Variants in SLC9A9 observed in about 807,000 individuals in gnomAD.
The protein encoded by SLC9A9 is sodium/hydrogen exchanger 9.
Under a neutral mutation model 77.8 loss-of-function variants are expected in SLC9A9, and 62 were observed. The ratio of observed to expected loss-of-function variants is 0.80; its 90% CI spans 0.65 to 0.98. The LOEUF (loss-of-function observed/expected upper bound fraction) is 0.98, where lower values mean the gene tolerates loss of function less well. Ranked by LOEUF, SLC9A9 falls within the 50% of genes least tolerant of loss-of-function variation. The pLI is 0.00. For missense variants in SLC9A9, 775 were observed against 774.9 expected (o/e 1.00, Z 0.00); for synonymous variants, 320 against 283.5 (o/e 1.13, Z -1.29).
At chr3:143,601,364 G>A (rs1176894838) in intron 6 of SLC9A9, among the ~76,000 whole-genome samples, 4 of 152,040 alleles carry the variant, frequency 2.6e-5, no homozygotes, top group Non-Finnish European at 4.4e-5. Context: ...AATTACAAAG[G>A]GACTTCAACA....
intron 13 of SLC9A9, among the ~76,000 whole-genome samples, chr3:143,370,907 G>A (rs1338710910): frequency 1.3e-5 from 2 of 152,006 alleles, no homozygotes; most frequent in Non-Finnish European, 2.9e-5. Flanking sequence ...GAAATGAGGT[G>A]AGCCCTCTAC....
intron 15 of SLC9A9, 46 bp downstream of exon 15, chr3:143,268,829 C>T: frequency 6.7e-7 from 1 of 1,484,832 alleles, no homozygotes; most frequent in Middle Eastern, 1.7e-4. Flanking sequence ...CCAAGTCTGT[C>T]CCACAAGGGA....
intron 14 of SLC9A9, among the ~76,000 whole-genome samples, chr3:143,285,668 C>T (rs1481154638): frequency 6.6e-6 from 1 of 152,180 alleles, no homozygotes; most frequent in African/African-American, 2.4e-5. Flanking sequence ...AGGCTGTCAA[C>T]CCAGTTGACA....
chr3:143,356,669 T>A lies in SLC9A9; in HGVS notation c.1604+6815A>T, dbSNP rs957300329. Among the ~76,000 whole-genome samples the A allele has an allele frequency of 2.0e-5, 3 of 152,080 alleles. No homozygotes were observed. In the East Asian group the frequency reaches 5.8e-4, roughly 29 times the overall value. The stretch of plus-strand genomic sequence containing the variant: ...CCTAGTTGGTAGGACTACAGGTGCA[T>A]GCTACCATGCTCAGTTAACTTTTTT... On this transcript the variant is annotated intron_variant, in intron 14 of 15. Coordinates refer to ENST00000316549, the MANE Select transcript of SLC9A9 (RefSeq NM_173653.4).
At chr3:143,802,036 A>G (rs534224230) in intron 2 of SLC9A9, among the ~76,000 whole-genome samples, 1 of 152,340 alleles carries the variant, frequency 6.6e-6, no homozygotes, top group Non-Finnish European at 1.5e-5. Flanking sequence ...GGCAACGCTT[A>G]TGCTGATAAG....
intron 1 of SLC9A9, chr3:143,847,915 C>G (rs889557961): frequency 3.5e-6 from 2 of 575,184 alleles, no homozygotes; most frequent in African/African-American, 3.8e-5. Context: ...AACAGACTTG[C>G]ATTATGTGCC....
At chr3:143,549,050 G>A (rs1448534295) in intron 9 of SLC9A9, among the ~76,000 whole-genome samples, 1 of 152,256 alleles carries the variant, frequency 6.6e-6, no homozygotes, top group East Asian at 1.9e-4. Flanking sequence ...CCCGTTGACA[G>A]TGTGAACACA....
intron 12 of SLC9A9, among the ~76,000 whole-genome samples, chr3:143,388,177 T>G (rs546957561): frequency 6.6e-6 from 1 of 152,286 alleles, no homozygotes; most frequent in African/African-American, 2.4e-5. Context: ...GACTATTGTG[T>G]AGCCATGAGA....
chr3:143,537,697 T>C (rs2036614610), intron 9 of SLC9A9, among the ~76,000 whole-genome samples: 1 of 152,184 alleles, frequency 6.6e-6, no homozygotes, highest in East Asian at 1.9e-4. Context: ...ATTCCGGGGA[T>C]GGGGTGGGCT....
rs1409692477 is a variant in SLC9A9, at chr3:143,797,131, C to T, written c.379-228G>A. 4.0e-5 allele frequency among the ~76,000 whole-genome samples: 6 copies of T among 151,186 alleles called. No individual in the cohort carries two copies. In the South Asian group the frequency reaches 6.3e-4, roughly 16 times the overall value. ...CTACATACTTCCACACTATAGCTAA[C>T]AACAACAACAAAAACTCAGTGAAAT... is the stretch of plus-strand genomic sequence containing the variant. On this transcript the variant is annotated intron_variant, in intron 2 of 15. Coordinates refer to ENST00000316549, the MANE Select transcript of SLC9A9 (RefSeq NM_173653.4).
intron 12 of SLC9A9, among the ~76,000 whole-genome samples, chr3:143,432,524 T>C (rs750810769): frequency 1.3e-5 from 2 of 152,202 alleles, no homozygotes; most frequent in African/African-American, 2.4e-5. Context: ...GTTCCAGGGT[T>C]TGGAGAGCTT....
rs143070493 is a variant in SLC9A9 at position 143,455,910 on chromosome 3, T to C, written c.1469+11127A>G. 7.5e-3 allele frequency among the ~76,000 whole-genome samples: 1,144 copies of C among 152,068 alleles called. 18 individuals are homozygous for C. Among genetic ancestry groups the C allele is most frequent in the African/African-American group, 0.026 (1,092 of 41,534 alleles). On this transcript the variant is annotated intron_variant, in intron 12 of 15. Coordinates refer to ENST00000316549, the MANE Select transcript of SLC9A9 (RefSeq NM_173653.4). ...TGTATCGTCTTTATTTTTCTTGTTTTATTGCACTGGCTAAGATTACCAGGA... is the reference window on the plus strand; with the variant it reads ...TGTATCGTCTTTATTTTTCTTGTTTCATTGCACTGGCTAAGATTACCAGGA...
At chr3:143,388,335 T>C (rs2033475638) in intron 12 of SLC9A9, among the ~76,000 whole-genome samples, 2 of 152,192 alleles carry the variant, frequency 1.3e-5, no homozygotes, top group South Asian at 2.1e-4. Context: ...CTAAAGTAAG[T>C]GAAAAAACTC....
intron 14 of SLC9A9, among the ~76,000 whole-genome samples, chr3:143,284,404 ATT>A (rs36119351): frequency 1.5e-4 from 20 of 136,778 alleles, no homozygotes; most frequent in African/African-American, 3.5e-4. Context: ...GGCCCTTTCT[ATT>A]TTTTTTTTTT....
At chr3:143,577,151 G>A (rs192326063) in intron 7 of SLC9A9, among the ~76,000 whole-genome samples, 4 of 152,266 alleles carry the variant, frequency 2.6e-5, no homozygotes, top group African/African-American at 9.6e-5. Flanking sequence ...CTCCTGAGCA[G>A]AAACCTTTGG....
intron 6 of SLC9A9, among the ~76,000 whole-genome samples, chr3:143,620,887 G>A (rs1184750529): frequency 1.3e-5 from 2 of 152,114 alleles, no homozygotes; most frequent in African/African-American, 2.4e-5. Flanking sequence ...GGTGACAGAC[G>A]GCACCTGGAA....
chr3:143,761,475 T>A (rs972417106), intron 4 of SLC9A9, among the ~76,000 whole-genome samples: 3 of 151,964 alleles, frequency 2.0e-5, no homozygotes, highest in African/African-American at 7.3e-5. Flanking sequence ...GAATCTACAA[T>A]GAACTCAAAC....
chr3:143,435,018 C>A (rs766658654), intron 12 of SLC9A9, among the ~76,000 whole-genome samples: 2 of 152,200 alleles, frequency 1.3e-5, no homozygotes, highest in Admixed American at 6.5e-5. Flanking sequence ...GCAGGGCTCT[C>A]ACGCCCCGCC....
intron 4 of SLC9A9, among the ~76,000 whole-genome samples, chr3:143,782,184 T>C (rs562653380): frequency 5.9e-5 from 9 of 152,368 alleles, no homozygotes; most frequent in African/African-American, 1.4e-4. Flanking sequence ...TTTAGTTTCA[T>C]TGACACCTGG....
Sources: gnomAD v4.1 joint callset for allele counts (sites outside exome capture counted in the v4.1 genomes callset) on GRCh38, gnomAD v4.1.1 for gene constraint, MANE v1.5 for transcripts, NCBI Gene and HGNC (gene_info 2026-07-23, HGNC 2026-07-21) for gene names.